Variants in NTM observed in about 807,000 individuals in gnomAD.
NTM encodes the protein neurotrimin.
NTM carries 13 observed loss-of-function variants against 42.1 expected under a neutral mutation model. That is an observed-to-expected ratio of 0.31 (90% CI 0.20 to 0.49). The LOEUF (loss-of-function observed/expected upper bound fraction) is 0.49, where lower values mean the gene tolerates loss of function less well. NTM is among the 20% of genes least tolerant of loss of function. NTM has a pLI of 0.99. For missense variants in NTM, 373 were observed against 452.8 expected (o/e 0.82, Z 1.60); for synonymous variants, 187 against 179.2 (o/e 1.04, Z -0.35).
At chr11:131,689,390 C>T (rs2074369182) in intron 1 of NTM, among the ~76,000 whole-genome samples, 1 of 152,208 alleles carries the variant, frequency 6.6e-6, no homozygotes, top group Admixed American at 6.5e-5. Context: ...GGAGAAGGGT[C>T]AGAGCCAGGG....
At chr11:132,120,092 G>T (rs1174214076) in intron 2 of NTM, among the ~76,000 whole-genome samples, 1 of 151,728 alleles carries the variant, frequency 6.6e-6, no homozygotes, top group African/African-American at 2.4e-5. Flanking sequence ...TTCCCTCCCA[G>T]TCACAGCTTG....
chr11:131,789,547 A>AAAGAAGAAGAAGAAGAAGAAGAAG (rs71067336), intron 1 of NTM, among the ~76,000 whole-genome samples: 3 of 5,118 alleles, frequency 5.9e-4, no homozygotes, highest in Non-Finnish European at 1.1e-3. Flanking sequence ...AAGAAGAAGA[A>AAAGAAGAAGAAGAAGAAGAAGAAG]AAGAAGAAGA....
chr11:131,866,801 C>T (rs1333073111), intron 1 of NTM, among the ~76,000 whole-genome samples: 2 of 152,172 alleles, frequency 1.3e-5, no homozygotes, highest in East Asian at 1.9e-4. Context: ...AAAAAAGTGG[C>T]GATTTCACTA....
chr11:131,713,849 G>A (rs958869944), intron 1 of NTM, among the ~76,000 whole-genome samples: 4 of 152,176 alleles, frequency 2.6e-5, no homozygotes, highest in African/African-American at 9.7e-5. Context: ...TTTTAGAGCA[G>A]GAATGAAAGG....
intron 1 of NTM, among the ~76,000 whole-genome samples, chr11:131,398,168 T>A (rs973720539): frequency 6.6e-6 from 1 of 152,172 alleles, no homozygotes; most frequent in Non-Finnish European, 1.5e-5. Context: ...TAGCACTGCA[T>A]ATGTTTGAAA....
chr11:131,763,595 A>G (rs2084582429), intron 1 of NTM, among the ~76,000 whole-genome samples: 1 of 151,718 alleles, frequency 6.6e-6, no homozygotes, highest in African/African-American at 2.4e-5. Context: ...AAATCCCTAT[A>G]CATGTCTGAA....
chr11:132,329,397 G>T (rs886697621), intron 7 of NTM, among the ~76,000 whole-genome samples: 1 of 152,234 alleles, frequency 6.6e-6, no homozygotes, highest in South Asian at 2.1e-4. Context: ...GTGAAATGGA[G>T]ACCTTTCACA....
chr11:131,742,303 A>G (rs1391548936), intron 1 of NTM, among the ~76,000 whole-genome samples: 1 of 152,256 alleles, frequency 6.6e-6, no homozygotes, highest in African/African-American at 2.4e-5. Flanking sequence ...GCCTTTGGAA[A>G]ACATTTCCAA....
At chr11:132,318,656 T>G (rs575590241) in intron 7 of NTM, among the ~76,000 whole-genome samples, 1 of 152,208 alleles carries the variant, frequency 6.6e-6, no homozygotes, top group Non-Finnish European at 1.5e-5. Context: ...CCGCGTGCAC[T>G]GCTGTCACCC....
chr11:131,568,832 C>T (rs1302725020), intron 1 of NTM, among the ~76,000 whole-genome samples: 1 of 152,210 alleles, frequency 6.6e-6, no homozygotes, highest in African/African-American at 2.4e-5. Flanking sequence ...ACAAATATAT[C>T]AGTTCACATT....
intron 1 of NTM, among the ~76,000 whole-genome samples, chr11:131,581,779 T>A (rs2058435217): frequency 2.0e-5 from 3 of 152,112 alleles, no homozygotes; most frequent in Admixed American, 2.0e-4. Context: ...TGCACTTTGT[T>A]TAATAAGAGA....
At position 131,402,087 on chromosome 11, in the gene NTM, G is replaced by T. The variant is rs111906310; in HGVS notation, c.82+31199G>T. ...AGTGCCAATTTTGGAAAGACAGCTG[G>T]CAGGAATTGGGCAAAGGGTCGTCAT... On this transcript the variant is annotated intron_variant, in intron 1 of 8. Coordinates refer to ENST00000683400, the MANE Select transcript of NTM (RefSeq NM_001352005.2). Among the ~76,000 whole-genome samples, 1,048 of 151,474 alleles carry T rather than the reference G, an allele frequency of 6.9e-3. 17 individuals are homozygous for T. The highest frequency in any genetic ancestry group is 0.024 in the African/African-American group (1,002 of 41,270).
In NTM at chr11:132,257,495, C is replaced by T. The variant is rs116033024; in HGVS notation, c.526+45348C>T. Reference sequence around the variant, plus strand: ...ATCTGTCCATCCCGGGAAGCTGGAGCGGGGAGGGACAGAGGGAAATGCAGG... The same window carrying T: ...ATCTGTCCATCCCGGGAAGCTGGAGTGGGGAGGGACAGAGGGAAATGCAGG... On this transcript the variant is annotated intron_variant, in intron 4 of 8. Coordinates refer to ENST00000683400, the MANE Select transcript of NTM (RefSeq NM_001352005.2). 6.4e-3 allele frequency among the ~76,000 whole-genome samples: 981 copies of T among 152,260 alleles called. 13 individuals carry two copies. The highest frequency in any genetic ancestry group is 0.022 in the African/African-American group (927 of 41,540).
intron 2 of NTM, among the ~76,000 whole-genome samples, chr11:131,958,179 T>G (rs1486188828): frequency 6.6e-6 from 1 of 152,162 alleles, no homozygotes; most frequent in Non-Finnish European, 1.5e-5. Flanking sequence ...GAGGTGAGCT[T>G]AATCCCACAC....
At chr11:131,769,292 T>C (rs1490621551) in intron 1 of NTM, among the ~76,000 whole-genome samples, 4 of 98,272 alleles carry the variant, frequency 4.1e-5, no homozygotes, top group Non-Finnish European at 8.2e-5. Context: ...TTTGGTTTTC[T>C]CATTTTTTTT....
At chr11:131,780,012 A>C (rs2087767381) in intron 1 of NTM, among the ~76,000 whole-genome samples, 1 of 152,166 alleles carries the variant, frequency 6.6e-6, no homozygotes, top group Non-Finnish European at 1.5e-5. Context: ...CTCTGCCTTC[A>C]CCACATCCCT....
chr11:131,690,201 G>C (rs1017531004), intron 1 of NTM, among the ~76,000 whole-genome samples: 1 of 152,170 alleles, frequency 6.6e-6, no homozygotes, highest in Non-Finnish European at 1.5e-5. Context: ...AGTATGACAC[G>C]CAGCGAGGCT....
In NTM at chr11:131,832,000, T is replaced by A. The variant is rs570401057; in HGVS notation, c.83-79564T>A. On this transcript the variant is annotated intron_variant, in intron 1 of 8. Transcript: ENST00000683400. Reference sequence around the variant, plus strand: ...ATGAAAAGCCTAGTACATATATATATGTGAAATAATAAAATCAATATTAGT... The same window carrying A: ...ATGAAAAGCCTAGTACATATATATAAGTGAAATAATAAAATCAATATTAGT... Among the ~76,000 whole-genome samples, 55 of 148,922 alleles carry A rather than the reference T, an allele frequency of 3.7e-4. 1 individual carries two copies. Among genetic ancestry groups the A allele is most frequent in the African/African-American group, 1.3e-3 (54 of 41,008 alleles).
chr11:131,652,122 A>G (rs938563287), intron 1 of NTM, among the ~76,000 whole-genome samples: 1 of 152,102 alleles, frequency 6.6e-6, no homozygotes, highest in Non-Finnish European at 1.5e-5. Flanking sequence ...AGAAAATGAC[A>G]GCCTTCCCAA....
Sources: allele counts gnomAD v4.1 joint callset (sites outside exome capture counted in the v4.1 genomes callset), GRCh38; gene constraint gnomAD v4.1.1; transcripts MANE v1.5; gene names NCBI Gene and HGNC (gene_info 2026-07-23, HGNC 2026-07-21).